SCEL: variants seen among roughly 807,000 people sequenced by gnomAD.
SCEL encodes the protein sciellin.
In SCEL, 113 loss-of-function variants were observed where a neutral mutation model predicts 117.6. That is an observed-to-expected ratio of 0.96 (90% CI 0.83 to 1.12). SCEL has a LOEUF of 1.12. SCEL is among the 50% of genes most tolerant of loss of function. The probability of loss-of-function intolerance (pLI) is 0.00; values close to 1 mark genes in which losing one functional copy is unlikely to be tolerated. For missense variants in SCEL, 785 were observed against 810.8 expected (o/e 0.97, Z 0.39); for synonymous variants, 270 against 256.2 (o/e 1.05, Z -0.51).
At chr13:77,642,055 A>G (rs1229872613) in intron 31 of SCEL, among the ~76,000 whole-genome samples, 1 of 152,208 alleles carries the variant, frequency 6.6e-6, no homozygotes, top group Non-Finnish European at 1.5e-5. Context: ...CTTTTGGTAA[A>G]TAGAAATATT....
chr13:77,572,102 T>C (rs367635877), intron 8 of SCEL, 22 bp from the exon 9 acceptor site: 4 of 1,604,824 alleles, frequency 2.5e-6, no homozygotes, highest in Middle Eastern at 3.3e-4. Context: ...ACAATGTTTA[T>C]TACCGTGTCA....
chr13:77,579,996 C>A (rs1462084913), intron 9 of SCEL, among the ~76,000 whole-genome samples: 1 of 152,172 alleles, frequency 6.6e-6, no homozygotes, highest in Non-Finnish European at 1.5e-5. Context: ...TTAGTGGTAG[C>A]ATGAAATCCA....
chr13:77,555,686 TG>T (rs1311329750), intron 1 of SCEL, among the ~76,000 whole-genome samples, 170 bp from the exon 2 acceptor site: 1 of 152,148 alleles, frequency 6.6e-6, no homozygotes, highest in Non-Finnish European at 1.5e-5. Flanking sequence ...ACAAATATGT[TG>T]GAAGAGATGA....
chr13:77,568,013 A>G (rs2085382393), intron 6 of SCEL, among the ~76,000 whole-genome samples: 1 of 152,228 alleles, frequency 6.6e-6, no homozygotes, highest in South Asian at 2.1e-4. Context: ...GTGCAAATGC[A>G]AATTTTACAT....
At chr13:77,569,027 A>G (rs2085445315) in intron 7 of SCEL, among the ~76,000 whole-genome samples, 1 of 152,224 alleles carries the variant, frequency 6.6e-6, no homozygotes, top group Admixed American at 6.5e-5. Flanking sequence ...AATGCAAAAA[A>G]CCGCAACATA....
intron 27 of SCEL, among the ~76,000 whole-genome samples, chr13:77,620,974 C>T (rs186899471): frequency 1.8e-3 from 268 of 152,178 alleles, no homozygotes; most frequent in Non-Finnish European, 3.2e-3. Flanking sequence ...ACAACCTTGA[C>T]GCTTTCTGGT....
intron 9 of SCEL, among the ~76,000 whole-genome samples, chr13:77,573,799 T>C (rs1026556770): frequency 1.3e-5 from 2 of 152,206 alleles, no homozygotes; most frequent in East Asian, 1.9e-4. Flanking sequence ...ACTGCTACAA[T>C]GTTTTATTTT....
intron 5 of SCEL, among the ~76,000 whole-genome samples, chr13:77,566,105 T>TC (rs2085273487): frequency 1.3e-5 from 2 of 152,148 alleles, no homozygotes; most frequent in Non-Finnish European, 2.9e-5. Flanking sequence ...ATAGACTTAT[T>TC]CCCCGGGTAG....
At chr13:77,576,555 C>A (rs576339797) in intron 9 of SCEL, among the ~76,000 whole-genome samples, 1 of 152,188 alleles carries the variant, frequency 6.6e-6, no homozygotes, top group Non-Finnish European at 1.5e-5. Flanking sequence ...CACTCCAGAT[C>A]TCTTCTCTGA....
chr13:77,616,231 ACACATAAATATTATCTGTGG>A (rs2089028265), intron 24 of SCEL, among the ~76,000 whole-genome samples: 1 of 152,042 alleles, frequency 6.6e-6, no homozygotes, highest in Non-Finnish European at 1.5e-5. Context: ...AATTATGCTG[ACACATAAATATTATCTGTGG>A]TTACACTAAC....
chr13:77,539,631 G>A (rs1341475459), intron 1 of SCEL, among the ~76,000 whole-genome samples: 2 of 151,646 alleles, frequency 1.3e-5, no homozygotes, highest in Non-Finnish European at 2.9e-5. Context: ...TCCGCCTCCC[G>A]GGTTCACATC....
intron 13 of SCEL, 40 bp downstream of exon 13, chr13:77,597,629 A>C (rs374178829): frequency 8.4e-7 from 1 of 1,195,596 alleles, no homozygotes; most frequent in Non-Finnish European, 1.2e-6. Flanking sequence ...ACTGAGTTGC[A>C]TATTGTGACT....
chr13:77,622,828 C>T (rs926378837), intron 27 of SCEL, among the ~76,000 whole-genome samples: 2 of 152,198 alleles, frequency 1.3e-5, no homozygotes, highest in East Asian at 3.8e-4. Flanking sequence ...CACCATTACA[C>T]TCGAGCCTGG....
intron 19 of SCEL, among the ~76,000 whole-genome samples, chr13:77,606,192 T>C (rs1258815155): frequency 3.3e-5 from 5 of 152,164 alleles, no homozygotes; most frequent in Non-Finnish European, 7.3e-5. Flanking sequence ...TGTGTGTACG[T>C]TGTGCATGTG....
chr13:77,632,913 T>C (rs2154406294), intron 28 of SCEL, among the ~76,000 whole-genome samples: 1 of 152,364 alleles, frequency 6.6e-6, no homozygotes, highest in Admixed American at 6.5e-5. Flanking sequence ...ATCATTTTCA[T>C]TCAATTGATA....
At chr13:77,568,380 G>A in intron 7 of SCEL, 47 bp downstream of exon 7, 1 of 1,265,970 alleles carries the variant, frequency 7.9e-7, no homozygotes. Flanking sequence ...ATGTATTCAA[G>A]AAAAACCAGG....
At chr13:77,599,257 G>A (rs2087468517) in intron 13 of SCEL, 72 bp from the exon 14 acceptor site, 1 of 1,057,328 alleles carries the variant, frequency 9.5e-7, no homozygotes, top group Non-Finnish European at 1.4e-6. Context: ...ATGTAAACTG[G>A]TCTATGTTCT....
At chr13:77,629,148 T>C (rs1425726883) in intron 28 of SCEL, among the ~76,000 whole-genome samples, 6 of 152,208 alleles carry the variant, frequency 3.9e-5, no homozygotes, top group African/African-American at 1.4e-4. Flanking sequence ...TGGAATTTCA[T>C]GGAAGTTCAA....
intron 8 of SCEL, 64 bp from the exon 9 acceptor site, chr13:77,572,060 T>G: frequency 1.3e-5 from 18 of 1,341,802 alleles, no homozygotes; most frequent in Non-Finnish European, 1.8e-5. Flanking sequence ...CAAATTATTT[T>G]CAGACATGTG....
Sources: gnomAD v4.1 joint callset for allele counts (sites outside exome capture counted in the v4.1 genomes callset) on GRCh38, gnomAD v4.1.1 for gene constraint, MANE v1.5 for transcripts, NCBI Gene and HGNC (gene_info 2026-07-23, HGNC 2026-07-21) for gene names.